KLHL1: variants seen among roughly 807,000 people sequenced by gnomAD.
The protein encoded by KLHL1 is kelch like family member 1, also known as kelch-like protein 1.
KLHL1 carries 47 observed loss-of-function variants against 77.7 expected under a neutral mutation model. That is an observed-to-expected ratio of 0.60 (90% confidence interval 0.48 to 0.77). The LOEUF (loss-of-function observed/expected upper bound fraction) is 0.77. Among genes scored for constraint, KLHL1 ranks in the 30% least tolerant of loss-of-function variants. The pLI, the probability that KLHL1 is intolerant of heterozygous loss-of-function variation, is 0.00. For missense variants in KLHL1, 925 were observed against 910.8 expected, an observed-to-expected ratio of 1.02 and a Z score of -0.20; for synonymous variants, 360 against 325.2, an observed-to-expected ratio of 1.11 and a Z score of -1.15.
chr13:69,741,783 C>T (rs1406049627), intron 7 of KLHL1, among the ~76,000 whole-genome samples: 1 of 152,140 alleles, frequency 6.6e-6, no homozygotes, highest in Non-Finnish European at 1.5e-5. Flanking sequence ...TTTCACAACC[C>T]AGGACTATCT....
intron 1 of KLHL1, among the ~76,000 whole-genome samples, chr13:70,012,901 T>TTA (rs778047425): frequency 1.3e-5 from 2 of 150,150 alleles, no homozygotes; most frequent in Non-Finnish European, 3.0e-5. Context: ...AGATTCTGTA[T>TTA]AAAAAAAATA....
intron 6 of KLHL1, among the ~76,000 whole-genome samples, chr13:69,798,603 A>G (rs890761299): frequency 6.6e-6 from 1 of 151,906 alleles, no homozygotes; most frequent in African/African-American, 2.4e-5. Flanking sequence ...TTTTAAACAG[A>G]TGTATTTTAT....
chr13:70,000,714 A>T (rs906368901), intron 1 of KLHL1, among the ~76,000 whole-genome samples: 1 of 151,908 alleles, frequency 6.6e-6, no homozygotes, highest in African/African-American at 2.4e-5. Flanking sequence ...GAAGTCACAG[A>T]TGACAACAAA....
At chr13:69,967,885 CAAAA>C (rs34910448) in intron 2 of KLHL1, among the ~76,000 whole-genome samples, 12 of 135,156 alleles carry the variant, frequency 8.9e-5, no homozygotes, top group East Asian at 2.2e-4. Flanking sequence ...GATGCTGAAT[CAAAA>C]AAAAAAAAAA....
intron 4 of KLHL1, among the ~76,000 whole-genome samples, chr13:69,935,466 C>G (rs753027636): frequency 6.6e-6 from 1 of 151,902 alleles, no homozygotes; most frequent in Non-Finnish European, 1.5e-5. Flanking sequence ...AAGCCAGGAA[C>G]TAAACAAGGA....
chr13:69,938,338 A>AAATT (rs1883247961), intron 4 of KLHL1, among the ~76,000 whole-genome samples: 1 of 152,040 alleles, frequency 6.6e-6, no homozygotes, highest in Non-Finnish European at 1.5e-5. Flanking sequence ...TCTAAGAAAT[A>AAATT]AATTAATTTA....
intron 4 of KLHL1, among the ~76,000 whole-genome samples, chr13:69,893,784 G>C (rs1881525189): frequency 1.3e-5 from 2 of 152,132 alleles, no homozygotes. Context: ...TCTGGAAATG[G>C]CTGTTTATTA....
chr13:69,911,145 T>C (rs1481759800), intron 4 of KLHL1, among the ~76,000 whole-genome samples: 1 of 152,114 alleles, frequency 6.6e-6, no homozygotes, highest in Non-Finnish European at 1.5e-5. Context: ...TCTTTCTCTT[T>C]AATTCTTATT....
intron 6 of KLHL1, among the ~76,000 whole-genome samples, chr13:69,826,165 G>A (rs1878538678): frequency 6.6e-6 from 1 of 152,140 alleles, no homozygotes; most frequent in African/African-American, 2.4e-5. Context: ...ATTAGGAGCT[G>A]AGAATCTAGT....
intron 6 of KLHL1, among the ~76,000 whole-genome samples, chr13:69,824,872 T>G (rs567885083): frequency 3.7e-4 from 56 of 152,204 alleles, no homozygotes; most frequent in Admixed American, 2.1e-3. Context: ...AAAGGACCAC[T>G]TAAGATTTGC....
At chr13:69,787,588 A>G (rs1047050302) in intron 7 of KLHL1, among the ~76,000 whole-genome samples, 1 of 152,242 alleles carries the variant, frequency 6.6e-6, no homozygotes, top group African/African-American at 2.4e-5. Flanking sequence ...ACCATTCAGG[A>G]CATAGGCATG....
At chr13:69,858,552 A>G (rs1205020563) in intron 5 of KLHL1, among the ~76,000 whole-genome samples, 1 of 152,086 alleles carries the variant, frequency 6.6e-6, no homozygotes, top group Non-Finnish European at 1.5e-5. Context: ...GTTGAAATGA[A>G]CATTTATCAT....
chr13:70,086,868 G>C (rs920578286), intron 1 of KLHL1, among the ~76,000 whole-genome samples: 1 of 152,074 alleles, frequency 6.6e-6, no homozygotes, highest in African/African-American at 2.4e-5. Flanking sequence ...TTTAACACCA[G>C]TGTCAGCAGG....
intron 4 of KLHL1, among the ~76,000 whole-genome samples, chr13:69,919,534 A>G (rs1037782202): frequency 2.6e-5 from 4 of 150,970 alleles, no homozygotes; most frequent in African/African-American, 4.9e-5. Flanking sequence ...AGAAAAATGT[A>G]CTTTGGGTAC....
chr13:70,034,477 T>C (rs931841362), intron 1 of KLHL1, among the ~76,000 whole-genome samples: 5 of 152,232 alleles, frequency 3.3e-5, no homozygotes, highest in African/African-American at 7.2e-5. Context: ...AGTGCCCATA[T>C]GGGTTTGCCT....
chr13:69,885,655 A>T (rs550393865), intron 4 of KLHL1, among the ~76,000 whole-genome samples: 2 of 152,278 alleles, frequency 1.3e-5, no homozygotes, highest in East Asian at 3.9e-4. Context: ...GTCTATGAAG[A>T]TCATATAACA....
intron 5 of KLHL1, among the ~76,000 whole-genome samples, chr13:69,845,674 T>G (rs2138122016): frequency 6.6e-6 from 1 of 151,722 alleles, no homozygotes; most frequent in South Asian, 2.1e-4. Context: ...TTTCTATAAC[T>G]TATACTAGCA....
At chr13:70,097,340 A>C (rs80191227) in intron 1 of KLHL1, among the ~76,000 whole-genome samples, 3,812 of 152,114 alleles carry the variant, frequency 0.025, 113 homozygotes, top group African/African-American at 0.071. Flanking sequence ...CTTTTCTTTG[A>C]GCAGTATAAT....
In KLHL1 at chr13:69,848,062, C is replaced by T. The variant is rs565518107; in HGVS notation, c.1228-8900G>A. 2.6e-5 allele frequency among the ~76,000 whole-genome samples: 4 copies of T among 151,588 alleles called. No homozygotes were observed. The South Asian group carries it at 8.3e-4, about 31-fold the overall frequency. ...AAGGTGCTGGTGAAAGGAAAGAGTT[C>T]AGTCATCACAGAACTTTCCAGGAAC... On this transcript the variant is annotated intron_variant, in intron 5 of 10. Coordinates refer to ENST00000377844, the MANE Select transcript of KLHL1 (RefSeq NM_020866.3).
Sources: allele counts gnomAD v4.1 joint callset (sites outside exome capture counted in the v4.1 genomes callset), GRCh38; gene constraint gnomAD v4.1.1; transcripts MANE v1.5; gene names NCBI Gene and HGNC (gene_info 2026-07-23, HGNC 2026-07-21).